RCOR1: variants seen among roughly 807,000 people sequenced by gnomAD.
RCOR1 encodes the protein REST corepressor 1.
In RCOR1, 12 loss-of-function variants were observed where a neutral mutation model predicts 64.0. The observed-to-expected ratio is 0.19, with a 90% CI of 0.12 to 0.30. The LOEUF (loss-of-function observed/expected upper bound fraction) is 0.30, where lower values mean the gene tolerates loss of function less well. Among genes scored for constraint, RCOR1 ranks in the 10% least tolerant of loss-of-function variants. The probability of loss-of-function intolerance (pLI) is 1.00; values close to 1 mark genes in which losing one functional copy is unlikely to be tolerated. For synonymous variants in RCOR1, 279 were observed against 227.2 expected (o/e 1.23, Z -2.05); for missense variants, 502 against 621.2 (o/e 0.81, Z 2.04).
intron 7 of RCOR1, among the ~76,000 whole-genome samples, chr14:102,711,873 C>G (rs1483455596): frequency 6.6e-6 from 1 of 152,088 alleles, no homozygotes; most frequent in African/African-American, 2.4e-5. Flanking sequence ...CTTTTGGTGA[C>G]TTTTTCCTGA....
At chr14:102,625,198 C>T (rs937117750) in intron 2 of RCOR1, among the ~76,000 whole-genome samples, 1 of 148,946 alleles carries the variant, frequency 6.7e-6, no homozygotes, top group Non-Finnish European at 1.5e-5. Context: ...CTGAAGGCAG[C>T]AGTCTCTCTT....
At chr14:102,668,903 G>C (rs1894973673) in intron 2 of RCOR1, among the ~76,000 whole-genome samples, 1 of 152,118 alleles carries the variant, frequency 6.6e-6, no homozygotes, top group South Asian at 2.1e-4. Context: ...GCGTGCCTAT[G>C]TTTATTGTAG....
rs1893294753 is a variant in RCOR1, at chr14:102,597,834, G to A, written c.361+4509G>A. On this transcript the variant is annotated intron_variant, in intron 2 of 11. Coordinates refer to ENST00000262241, the MANE Select transcript of RCOR1 (RefSeq NM_015156.4). ...TTTTTGCAATTTTTTTTTTTTTTGA[G>A]ATGGAGTTTTTTTCTCTTGTTGCTC... Among the ~76,000 whole-genome samples, 4 of 144,280 alleles carry A rather than the reference G, an allele frequency of 2.8e-5. No individual in the cohort carries two copies. In the South Asian group the frequency reaches 8.7e-4, roughly 31 times the overall value. 94.7% of individuals were successfully genotyped at this position (144,280 alleles called of 152,430 possible). A position where few individuals can be genotyped will look rare whatever the true frequency, so the allele number is the denominator to read the frequency against.
intron 2 of RCOR1, chr14:102,656,075 CATTT>C: frequency 1.0e-6 from 1 of 985,110 alleles, no homozygotes; most frequent in Non-Finnish European, 1.2e-6. Context: ...TTGATGTACC[CATTT>C]ATTTGAGTGG....
chr14:102,652,791 A>T (rs1894617867), intron 2 of RCOR1, among the ~76,000 whole-genome samples: 1 of 152,206 alleles, frequency 6.6e-6, no homozygotes, highest in Non-Finnish European at 1.5e-5. Context: ...ATAAATAATG[A>T]ATACTTAGCA....
chr14:102,626,293 A>G (rs1460074715), intron 2 of RCOR1, among the ~76,000 whole-genome samples: 1 of 152,240 alleles, frequency 6.6e-6, no homozygotes, highest in African/African-American at 2.4e-5. Flanking sequence ...AAAATAGAGC[A>G]TACAACAAAG....
At chr14:102,712,947 G>GTTTTTTTTTT (rs67246962) in intron 7 of RCOR1, among the ~76,000 whole-genome samples, 2 of 77,686 alleles carry the variant, frequency 2.6e-5, no homozygotes, top group Non-Finnish European at 4.7e-5. Context: ...CTAAATCATT[G>GTTTTTTTTTT]TTTTTTTTTT....
chr14:102,641,107 T>G (rs1057255338), intron 2 of RCOR1, among the ~76,000 whole-genome samples: 2 of 151,450 alleles, frequency 1.3e-5, no homozygotes, highest in African/African-American at 4.9e-5. Flanking sequence ...CAAAAAAAAT[T>G]AGCTGGGCTT....
At position 102,729,277 on chromosome 14, in the gene RCOR1, T is replaced by C. The variant is rs1896325597; in HGVS notation, c.*2771T>C. On this transcript the variant is annotated 3_prime_UTR_variant, in exon 12 of 12. Coordinates refer to ENST00000262241, the MANE Select transcript of RCOR1 (RefSeq NM_015156.4). ...AATTTTATGTAGATGTGTGAAGTGT[T>C]AGGTAAAATTTTTTTCACTTATCCA... 6.5e-6 allele frequency: 1 copy of C among 152,688 alleles called. No individual in the cohort carries two copies. The highest frequency in any genetic ancestry group is 1.5e-5 in the Non-Finnish European group (1 of 68,048). The allele number at this position is 152,688 out of a possible 1,614,324, so 9.5% of individuals were successfully genotyped here.
At position 102,722,179 on chromosome 14, in the gene RCOR1, A is replaced by T. The variant is rs771344938; in HGVS notation, c.1190-8A>T. The stretch of plus-strand genomic sequence containing the variant: ...TGTATTTTAAAAAATGCTTTCTTAC[A>T]TCCTTAGCCATCAGGAAATATGGCC... On this transcript the variant is annotated splice_region_variant and splice_polypyrimidine_tract_variant and intron_variant, in intron 10 of 11. Coordinates refer to ENST00000262241, the MANE Select transcript of RCOR1 (RefSeq NM_015156.4). 9 of 1,606,894 alleles carry T rather than the reference A, an allele frequency of 5.6e-6. No individual in the cohort carries two copies. In the African/African-American group the frequency reaches 9.4e-5, roughly 17 times the overall value.
intron 2 of RCOR1, among the ~76,000 whole-genome samples, chr14:102,647,351 T>C (rs1894497556): frequency 1.3e-5 from 2 of 152,200 alleles, no homozygotes; most frequent in Admixed American, 1.3e-4. Context: ...GGAGTCTCGC[T>C]CTTTCGCTGG....
intron 2 of RCOR1, among the ~76,000 whole-genome samples, chr14:102,632,821 TC>T (rs1894156554): frequency 7.1e-6 from 1 of 141,240 alleles, no homozygotes; most frequent in Non-Finnish European, 1.5e-5. Context: ...CTCTTTCTTT[TC>T]TTTTTTTTGA....
rs1309686661 is a variant in RCOR1, at chr14:102,606,196, G to A, written c.361+12871G>A. The stretch of plus-strand genomic sequence containing the variant: ...CTGCTTCGGCCTCCGAAAGTGCTGG[G>A]ATTACAGGCATGAGCCACCGTGCCC... On this transcript the variant is annotated intron_variant, in intron 2 of 11. Coordinates refer to ENST00000262241, the MANE Select transcript of RCOR1 (RefSeq NM_015156.4). 3.3e-5 allele frequency among the ~76,000 whole-genome samples: 5 copies of A among 152,302 alleles called. No homozygotes were observed. The East Asian group carries it at 7.7e-4, about 24-fold the overall frequency.
intron 2 of RCOR1, among the ~76,000 whole-genome samples, chr14:102,635,222 T>A (rs1044514793): frequency 6.6e-6 from 1 of 152,134 alleles, no homozygotes; most frequent in African/African-American, 2.4e-5. Flanking sequence ...ATACTGAAGC[T>A]GCTGCACACG....
intron 3 of RCOR1, 101 bp from the exon 4 acceptor site, chr14:102,701,177 A>G: frequency 5.1e-6 from 5 of 984,520 alleles, no homozygotes; most frequent in South Asian, 1.3e-5. Context: ...CAGCCAAACC[A>G]TATCAGCAGG....
chr14:102,668,413 G>A (rs1894960096), intron 2 of RCOR1, among the ~76,000 whole-genome samples: 1 of 152,232 alleles, frequency 6.6e-6, no homozygotes, highest in Non-Finnish European at 1.5e-5. Context: ...GTACAAGAAT[G>A]AAGAATGGAT....
In RCOR1 at chr14:102,676,319, G is replaced by C. The variant is rs1328598636; in HGVS notation, c.362-5576G>C. Among the ~76,000 whole-genome samples the C allele has an allele frequency of 3.4e-5, 5 of 145,672 alleles. No individual in the cohort carries two copies. The South Asian group carries it at 1.1e-3, about 31-fold the overall frequency. On this transcript the variant is annotated intron_variant, in intron 2 of 11. Coordinates refer to ENST00000262241, the MANE Select transcript of RCOR1 (RefSeq NM_015156.4). The stretch of plus-strand genomic sequence containing the variant: ...GAAGCGCCCCTCACCTCCCGGATGG[G>C]GCGGCTGGCCGGGCGGGGGGCTGAC...
At chr14:102,659,809 G>A (rs895613205) in intron 2 of RCOR1, among the ~76,000 whole-genome samples, 4 of 152,180 alleles carry the variant, frequency 2.6e-5, no homozygotes, top group South Asian at 2.1e-4. Flanking sequence ...TGGTAAGGAC[G>A]TTATTGCAAC....
chr14:102,604,976 C>T (rs143563040), intron 2 of RCOR1, among the ~76,000 whole-genome samples: 6 of 145,738 alleles, frequency 4.1e-5, no homozygotes, highest in African/African-American at 7.6e-5. Flanking sequence ...GGCTGAGGCG[C>T]GAGAATTGCC....
Sources: allele counts gnomAD v4.1 joint callset (sites outside exome capture counted in the v4.1 genomes callset), GRCh38; gene constraint gnomAD v4.1.1; transcripts MANE v1.5; gene names NCBI Gene and HGNC (gene_info 2026-07-23, HGNC 2026-07-21).